NCOR1: variants seen among roughly 807,000 people sequenced by gnomAD.
The protein encoded by NCOR1 is protein phosphatase 1, regulatory subunit 109.
NCOR1 carries 63 observed loss-of-function variants against 288.1 expected under a neutral mutation model. The observed-to-expected ratio is 0.22, with a 90% CI of 0.18 to 0.27. NCOR1 has a LOEUF of 0.27. NCOR1 is among the 10% of genes least tolerant of loss of function. The probability of loss-of-function intolerance (pLI) is 1.00; values close to 1 mark genes in which losing one functional copy is unlikely to be tolerated. For synonymous variants in NCOR1, 1,007 were observed against 1,065.9 expected (o/e 0.94, Z 1.08); for missense variants, 2,397 against 3,019.2 (o/e 0.79, Z 4.83).
At position 16,092,031 on chromosome 17, in the gene NCOR1, T is replaced by A. The variant is rs367874483; in HGVS notation, c.2848A>T (p.Ile950Phe). The change falls in exon 22 of 46, where the codon ATT (isoleucine) becomes TTT (phenylalanine). Residue 950 changes from isoleucine (I) to phenylalanine (F), a missense_variant. By Grantham distance (21) the Ile-to-Phe change is conservative. Transcript: ENST00000268712. ...MVSCTPCNIP[I>F]GTPVSGYALY... ...GCATAGCCGCTCACTGGGGTTCCAA[T>A]TGGTATGTTACATGGGGTGCAGGAT... 1 of 1,614,016 alleles carries A rather than the reference T, an allele frequency of 6.2e-7. No individual in the cohort carries two copies. The highest frequency in any genetic ancestry group is 1.3e-5 in the African/African-American group (1 of 74,938).
At chr17:16,092,671 ATATATATATATATATATATATATATTT>A (rs1363660457) in intron 21 of NCOR1, among the ~76,000 whole-genome samples, 2 of 15,676 alleles carry the variant, frequency 1.3e-4, no homozygotes, top group African/African-American at 2.8e-4. Flanking sequence ...ATATATATAT[ATATATATATATATATATATATATATTT>A]TTTTTTTTTT....
At chr17:16,122,356 A>G (rs11870608) in intron 15 of NCOR1, among the ~76,000 whole-genome samples, 80,798 of 152,048 alleles carry the variant, frequency 0.53, 21,887 homozygotes, top group Middle Eastern at 0.62. Context: ...ATTGAAGTAC[A>G]ACATAGTCCT....
intron 26 of NCOR1, among the ~76,000 whole-genome samples, chr17:16,078,180 A>C (rs2062835421): frequency 6.6e-6 from 1 of 152,216 alleles, no homozygotes; most frequent in African/African-American, 2.4e-5. Flanking sequence ...CTTGGTGTAA[A>C]ATAGGAGTTA....
In NCOR1 at chr17:16,031,320, T is replaced by C. The variant is rs1399581724; in HGVS notation, c.*976A>G. On this transcript the variant is annotated 3_prime_UTR_variant, in exon 46 of 46. Transcript: ENST00000268712. ...ATCTTTTAACCCAACCAATCATATA[T>C]TCAAACTAAGGGAAAAATATGTAAG... is the stretch of plus-strand genomic sequence containing the variant. 2 of 190,500 alleles carry C rather than the reference T, an allele frequency of 1.0e-5. 1 individual carries two copies. Among genetic ancestry groups the C allele is most frequent in the Admixed American group, 1.2e-4 (2 of 16,292 alleles). 11.8% of individuals were successfully genotyped at this position (190,500 alleles called of 1,614,324 possible).
intron 43 of NCOR1, 122 bp downstream of exon 43, chr17:16,040,318 AT>A: frequency 1.2e-6 from 1 of 822,704 alleles, no homozygotes; most frequent in South Asian, 1.4e-5. Context: ...TAAATTATTT[AT>A]TTATTTTTCC....
intron 21 of NCOR1, among the ~76,000 whole-genome samples, chr17:16,097,487 T>C (rs2066851439): frequency 3.9e-5 from 6 of 152,120 alleles, no homozygotes; most frequent in Admixed American, 3.9e-4. Flanking sequence ...TGGCCAATGA[T>C]TTAATCATTC....
chr17:16,083,681 C>T (rs1369543824), intron 23 of NCOR1, among the ~76,000 whole-genome samples: 1 of 151,446 alleles, frequency 6.6e-6, no homozygotes, highest in Non-Finnish European at 1.5e-5. Context: ...TCCCTATGCT[C>T]GCCTTCTGGG....
chr17:16,039,815 G>GAGAGAC, intron 43 of NCOR1, 161 bp from the exon 44 acceptor site: 5 of 639,358 alleles, frequency 7.8e-6, no homozygotes, highest in Non-Finnish European at 1.3e-5. Flanking sequence ...TGGAGACAGA[G>GAGAGAC]TCTCTCTCTG....
chr17:16,104,285 A>AG (rs2153019844), intron 19 of NCOR1, among the ~76,000 whole-genome samples: 1 of 152,344 alleles, frequency 6.6e-6, no homozygotes, highest in South Asian at 2.1e-4. Flanking sequence ...GGAAAAAAAA[A>AG]TATTTTTTAA....
intron 40 of NCOR1, among the ~76,000 whole-genome samples, chr17:16,055,417 C>T (rs1449303098): frequency 2.0e-5 from 3 of 152,128 alleles, no homozygotes; most frequent in South Asian, 2.1e-4. Flanking sequence ...AGCAAACTAA[C>T]GCAAGAACAG....
At chr17:16,189,375 C>T (rs1170113148) in intron 2 of NCOR1, among the ~76,000 whole-genome samples, 1 of 151,888 alleles carries the variant, frequency 6.6e-6, no homozygotes, top group African/African-American at 2.4e-5. Context: ...GCCTGGGCAA[C>T]AGAGTGAGAC....
intron 11 of NCOR1, among the ~76,000 whole-genome samples, chr17:16,140,050 G>A (rs1235531447): frequency 6.6e-6 from 1 of 152,186 alleles, no homozygotes; most frequent in Non-Finnish European, 1.5e-5. Context: ...ACTAATTTTA[G>A]ATGCTTACAA....
intron 3 of NCOR1, among the ~76,000 whole-genome samples, chr17:16,175,558 A>G (rs1461896600): frequency 6.6e-6 from 1 of 152,294 alleles, no homozygotes; most frequent in Middle Eastern, 3.4e-3. Context: ...TTTCTTGCTA[A>G]AAGAGAATAT....
chr17:16,213,489 C>CCAAAAAAA (rs2092320159), intron 1 of NCOR1, among the ~76,000 whole-genome samples: 1 of 78,138 alleles, frequency 1.3e-5, no homozygotes, highest in Non-Finnish European at 2.5e-5. Flanking sequence ...AAGACTGTCT[C>CCAAAAAAA]AAAAAAAAAA....
At chr17:16,136,806 C>CAAA (rs60523446) in intron 14 of NCOR1, among the ~76,000 whole-genome samples, 43 of 111,764 alleles carry the variant, frequency 3.8e-4, no homozygotes, top group African/African-American at 1.4e-3. Flanking sequence ...GACTCTGTTT[C>CAAA]AAAAAAAAAA....
At position 16,092,666 on chromosome 17, in the gene NCOR1, TATATATATATATATATATATA is replaced by T. The variant is rs1567956994; in HGVS notation, c.2821-629_2821-609del. ...ATCCATTTATATATATATATATATA[TATATATATATATATATATATA>T]TATATATATTTTTTTTTTTTTTTTT... On this transcript the variant is annotated intron_variant, in intron 21 of 45. Transcript: ENST00000268712. 1.6e-3 allele frequency among the ~76,000 whole-genome samples: 23 copies of T among 14,306 alleles called. 3 individuals are homozygous for T. The highest frequency in any genetic ancestry group is 6.0e-3 in the African/African-American group (22 of 3,696). The allele number at this position is 14,306 out of a possible 152,430, so 9.4% of individuals were successfully genotyped here.
At chr17:16,051,351 T>C (rs887867716) in intron 40 of NCOR1, among the ~76,000 whole-genome samples, 7 of 152,188 alleles carry the variant, frequency 4.6e-5, no homozygotes, top group Non-Finnish European at 1.0e-4. Context: ...GTGTTTTGCT[T>C]ATAAAAATCA....
chr17:16,123,998 C>G (rs1296892152), intron 15 of NCOR1, among the ~76,000 whole-genome samples: 2 of 152,082 alleles, frequency 1.3e-5, no homozygotes, highest in Admixed American at 1.3e-4. Flanking sequence ...AAAATAAAAT[C>G]AAGTTATGAC....
At chr17:16,049,229 C>T (rs1297141199) in intron 40 of NCOR1, 4 of 284,476 alleles carry the variant, frequency 1.4e-5, no homozygotes, top group African/African-American at 4.4e-5. Context: ...CCAGGAGTCA[C>T]GTCATCAGAC....
Sources: gnomAD v4.1 joint callset for allele counts (sites outside exome capture counted in the v4.1 genomes callset) on GRCh38, gnomAD v4.1.1 for gene constraint, MANE v1.5 for transcripts, NCBI Gene and HGNC (gene_info 2026-07-23, HGNC 2026-07-21) for gene names.